EXD1: variants seen among roughly 807,000 people sequenced by gnomAD.
EXD1 encodes the protein exonuclease 3'-5' domain containing 1, also known as piRNA biogenesis protein EXD1.
Under a neutral mutation model 49.1 loss-of-function variants are expected in EXD1, and 63 were observed. The ratio of observed to expected loss-of-function variants is 1.28; its 90% CI spans 1.05 to 1.58. The LOEUF (loss-of-function observed/expected upper bound fraction) is 1.58. EXD1 is among the 40% of genes most tolerant of loss of function. The pLI, the probability that EXD1 is intolerant of heterozygous loss-of-function variation, is 0.00. For missense variants in EXD1, 748 were observed against 666.0 expected (o/e 1.12, Z -1.36); for synonymous variants, 234 against 239.2 (o/e 0.98, Z 0.20).
chr15:41,190,487 GA>G (rs1391614247), intron 10 of EXD1: 11 of 250,578 alleles, frequency 4.4e-5, no homozygotes, highest in South Asian at 9.8e-5. Flanking sequence ...CTCAAAAAAA[GA>G]AAAAAAAAGA....
In EXD1 at chr15:41,202,918, A is replaced by T. The variant is rs560648695; in HGVS notation, c.534+6583T>A. ...AGGTGACAGAGCAAGACTCTGTCTC[A>T]AAAAAAAAAAAAAAAAAGCGAACCC... On this transcript the variant is annotated intron_variant, in intron 7 of 11. Transcript: ENST00000458580. 1.6e-3 allele frequency among the ~76,000 whole-genome samples: 133 copies of T among 84,476 alleles called. 5 individuals are homozygous for T. In the East Asian group the frequency reaches 0.025, roughly 16 times the overall value. The allele number at this position is 84,476 out of a possible 152,430, so 55.4% of individuals were successfully genotyped here.
chr15:41,207,826 C>T (rs923403653), intron 7 of EXD1, among the ~76,000 whole-genome samples: 3 of 151,836 alleles, frequency 2.0e-5, no homozygotes, highest in Non-Finnish European at 2.9e-5. Context: ...GCCTGGCCAA[C>T]ATGGTGAAAC....
chr15:41,193,745 C>CA (rs34072752), intron 9 of EXD1, among the ~76,000 whole-genome samples: 39,608 of 140,086 alleles, frequency 0.28, 6,938 homozygotes, highest in African/African-American at 0.51. Context: ...GACCTTGTCT[C>CA]AAAAAAAAAA....
In EXD1 at chr15:41,196,940, C is replaced by T. The variant is rs188782357; in HGVS notation, c.535-903G>A. On this transcript the variant is annotated intron_variant, in intron 7 of 11. Coordinates refer to ENST00000458580, the MANE Select transcript of EXD1 (RefSeq NM_001286441.2). Reference sequence around the variant, plus strand: ...ACCCAGGCTCTTGTGATTCTCCCACCTCAGCCTCCCAAGTACCTGGATTAC... The same window carrying T: ...ACCCAGGCTCTTGTGATTCTCCCACTTCAGCCTCCCAAGTACCTGGATTAC... Among the ~76,000 whole-genome samples the T allele has an allele frequency of 3.8e-3, 580 of 152,196 alleles. 3 individuals are homozygous for T. The highest frequency in any genetic ancestry group is 0.02 in the South Asian group (96 of 4,820).
At chr15:41,228,942 G>T (rs1156777515) in intron 1 of EXD1, among the ~76,000 whole-genome samples, 1 of 152,132 alleles carries the variant, frequency 6.6e-6, no homozygotes, top group Non-Finnish European at 1.5e-5. Flanking sequence ...TTTGACTGGA[G>T]ACAGCTGCAA....
intron 6 of EXD1, among the ~76,000 whole-genome samples, chr15:41,213,127 T>C (rs1440820658): frequency 6.6e-6 from 1 of 152,208 alleles, no homozygotes; most frequent in Non-Finnish European, 1.5e-5. Flanking sequence ...TGGATGAACC[T>C]TGAAAACATT....
intron 3 of EXD1, 65 bp downstream of exon 3, chr15:41,219,765 A>C: frequency 1.5e-6 from 2 of 1,329,718 alleles, no homozygotes; most frequent in Non-Finnish European, 2.1e-6. Context: ...CATTAAGACA[A>C]GACAATTTCA....
intron 4 of EXD1, 89 bp from the exon 5 acceptor site, chr15:41,216,884 A>G (rs2047007938): frequency 6.4e-7 from 1 of 1,552,140 alleles, no homozygotes; most frequent in African/African-American, 1.4e-5. Context: ...CGTTAAGGAC[A>G]GTGGTCCTTC....
chr15:41,187,841 C>T (rs559474295), intron 11 of EXD1, among the ~76,000 whole-genome samples: 1 of 151,790 alleles, frequency 6.6e-6, no homozygotes. Flanking sequence ...CATGGAGTAA[C>T]CCCGTCTCTA....
chr15:41,219,883 G>GTCTCCACATTCTTCACTGTTCCT lies in EXD1; in HGVS notation c.148_149insAGGAACAGTGAAGAATGTGGAGA (p.Thr50LysfsTer4). The GTCTCCACATTCTTCACTGTTCCT allele has an allele frequency of 1.3e-6, 2 of 1,535,162 alleles. No individual in the cohort carries two copies. Among genetic ancestry groups the GTCTCCACATTCTTCACTGTTCCT allele is most frequent in the Non-Finnish European group, 8.7e-7 (1 of 1,146,576 alleles). ...CTTCACTCCTGGGACACTTCGACCT[G>GTCTCCACATTCTTCACTGTTCCT]TCTCCACATTCTTCACTGTTACAGA... is the stretch of plus-strand genomic sequence containing the variant. On this transcript the variant is annotated stop_gained and frameshift_variant, in exon 3 of 12. Coordinates refer to ENST00000458580, the MANE Select transcript of EXD1 (RefSeq NM_001286441.2). LOFTEE classifies it high-confidence loss of function.
chr15:41,185,126 C>A (rs1003908998), intron 11 of EXD1, among the ~76,000 whole-genome samples: 6 of 152,130 alleles, frequency 3.9e-5, no homozygotes, highest in African/African-American at 1.4e-4. Context: ...TGTGTATGCA[C>A]GTATGTATAA....
Position 41,184,583 on chromosome 15 carries a change from A to G in EXD1, c.1067T>C (p.Met356Thr). Residue 356 changes from methionine to threonine, a missense_variant, in exon 12 of 12, where the codon ATG becomes ACG. By Grantham distance (81) the Met-to-Thr change is moderately conservative. Coordinates refer to ENST00000458580, the MANE Select transcript of EXD1 (RefSeq NM_001286441.2). Reference sequence around the variant, plus strand: ...TTGAAGCAGTTCCTCTGGCAGCTCCATACATGTAGGCTAAGAAGAGAAAGC... The same window carrying G: ...TTGAAGCAGTTCCTCTGGCAGCTCCGTACATGTAGGCTAAGAAGAGAAAGC... ...DRLGGTEPTC[M>T]ELPEELLQLK... is the part of the protein sequence containing the mutation. The G allele has an allele frequency of 6.3e-7, 1 of 1,590,402 alleles. No homozygotes were observed. Among genetic ancestry groups the G allele is most frequent in the Non-Finnish European group, 8.5e-7 (1 of 1,172,410 alleles).
intron 7 of EXD1, among the ~76,000 whole-genome samples, chr15:41,209,121 CAATT>C (rs1451999087): frequency 6.6e-6 from 1 of 152,060 alleles, no homozygotes; most frequent in Non-Finnish European, 1.5e-5. Flanking sequence ...AGAAAGAAGA[CAATT>C]AATAAATCTA....
chr15:41,201,602 G>T (rs2046730023), intron 7 of EXD1, among the ~76,000 whole-genome samples: 1 of 148,522 alleles, frequency 6.7e-6, no homozygotes, highest in African/African-American at 2.5e-5. Flanking sequence ...CAATTCTCCT[G>T]TCTCAGCCTC....
intron 7 of EXD1, among the ~76,000 whole-genome samples, chr15:41,197,215 T>C (rs1464521625): frequency 1.3e-5 from 2 of 151,492 alleles, no homozygotes; most frequent in African/African-American, 4.9e-5. Flanking sequence ...ACAATCACTG[T>C]GATTTTCTTT....
rs1331036199 is a variant in EXD1 at position 41,183,976 on chromosome 15, C to T, written c.1674G>A (p.Leu558=). Residue 558 remains leucine (L), a synonymous_variant, in exon 12 of 12, where the codon TTG becomes TTA. Coordinates refer to ENST00000458580, the MANE Select transcript of EXD1 (RefSeq NM_001286441.2). ...GACTTATCCAGGAATCGATCTTCTC[C>T]AAGGCTGGACAGGGAGGGAGTGTGG... The part of the protein sequence containing the change: ...VVSTLPPCPA[L]EKIDSWISPF... 1.2e-6 allele frequency: 2 copies of T among 1,611,392 alleles called. No homozygotes were observed. Among genetic ancestry groups the T allele is most frequent in the African/African-American group, 1.3e-5 (1 of 74,802 alleles).
chr15:41,199,722 T>TGA (rs1555414678), intron 7 of EXD1, among the ~76,000 whole-genome samples: 1 of 94,636 alleles, frequency 1.1e-5, no homozygotes, highest in Non-Finnish European at 1.9e-5. Flanking sequence ...ATATGATATA[T>TGA]TATATATGAT....
chr15:41,230,703 C>G lies in EXD1; in HGVS notation c.-278G>C, dbSNP rs954577058. On this transcript the variant is annotated 5_prime_UTR_variant, in exon 1 of 12. Coordinates refer to ENST00000458580, the MANE Select transcript of EXD1 (RefSeq NM_001286441.2). ...AAACCTGGAGAAAGGTCCGCGACGC[C>G]GGGGACACACGCCGCAGAGGCGACG... 53 of 723,734 alleles carry G rather than the reference C, an allele frequency of 7.3e-5. No homozygotes were observed. Among genetic ancestry groups the G allele is most frequent in the Non-Finnish European group, 1.0e-4 (46 of 451,524 alleles). The allele number at this position is 723,734 out of a possible 1,614,324, so 44.8% of individuals were successfully genotyped here.
In EXD1 at chr15:41,184,047, C is replaced by A; in HGVS notation, c.1603G>T (p.Val535Leu). 6.2e-7 allele frequency: 1 copy of A among 1,614,204 alleles called. No individual in the cohort carries two copies. The highest frequency in any genetic ancestry group is 8.5e-7 in the Non-Finnish European group (1 of 1,180,028). The change falls in exon 12 of 12, where the codon GTG (valine) becomes TTG (leucine). Residue 535 changes from valine to leucine, a missense_variant. Coordinates refer to ENST00000458580, the MANE Select transcript of EXD1 (RefSeq NM_001286441.2). ...SMSSFPQETR[V>L]SPSDTFYPIR... The stretch of plus-strand genomic sequence containing the variant: ...GGATAAAAAGTGTCACTTGGAGACA[C>A]TCTGGTTTCCTGAGGAAAGGAAGAC...
Sources: allele counts gnomAD v4.1 joint callset (sites outside exome capture counted in the v4.1 genomes callset), GRCh38; gene constraint gnomAD v4.1.1; transcripts MANE v1.5; gene names NCBI Gene and HGNC (gene_info 2026-07-23, HGNC 2026-07-21).